Variants in MBTPS1 observed in about 807,000 individuals in gnomAD.
MBTPS1 encodes the protein membrane-bound transcription factor site-1 protease.
In MBTPS1, 94 loss-of-function variants were observed where a neutral mutation model predicts 127.8. The ratio of observed to expected loss-of-function variants is 0.74; its 90% confidence interval spans 0.62 to 0.87. MBTPS1 has a LOEUF of 0.87. Among genes scored for constraint, MBTPS1 ranks in the 40% least tolerant of loss-of-function variants. MBTPS1 has a pLI of 0.00. For synonymous variants in MBTPS1, 632 were observed against 509.4 expected (o/e 1.24, Z -3.24); for missense variants, 1,636 against 1,353.2 (o/e 1.21, Z -3.28).
rs892327340 is a variant in MBTPS1 at position 84,053,990 on chromosome 16, T to C, written c.*459A>G. On this transcript the variant is annotated 3_prime_UTR_variant, in exon 23 of 23. Transcript: ENST00000343411. Reference sequence around the variant, plus strand: ...CCTCATGATGGAATAGTAAAAAAACTGCATTCCACTGACAAAAAAAATAGC... The same window carrying C: ...CCTCATGATGGAATAGTAAAAAAACCGCATTCCACTGACAAAAAAAATAGC... 6.5e-6 allele frequency: 1 copy of C among 154,828 alleles called. No homozygotes were observed. The highest frequency in any genetic ancestry group is 1.9e-4 in the East Asian group (1 of 5,214). 9.6% of individuals were successfully genotyped at this position (154,828 alleles called of 1,614,324 possible). A position where few individuals can be genotyped will look rare whatever the true frequency, so the allele number is the denominator to read the frequency against.
In MBTPS1 at chr16:84,090,952, G is replaced by T; in HGVS notation, c.964-10C>A. The T allele has an allele frequency of 6.3e-7, 1 of 1,586,922 alleles. No homozygotes were observed. Among genetic ancestry groups the T allele is most frequent in the Non-Finnish European group, 8.6e-7 (1 of 1,159,638 alleles). ...CTGTTAATTCCCACACCTACAAAAG[G>T]AGCATTTATTTAATGAAAGTATCCC... On this transcript the variant is annotated splice_polypyrimidine_tract_variant and intron_variant, in intron 7 of 22. Coordinates refer to ENST00000343411, the MANE Select transcript of MBTPS1 (RefSeq NM_003791.4).
chr16:84,069,719 C>T (rs2085742262), intron 14 of MBTPS1, 147 bp downstream of exon 14: 1 of 729,050 alleles, frequency 1.4e-6, no homozygotes, highest in Non-Finnish European at 2.3e-6. Context: ...GCCCTAAGTG[C>T]ATGGCAAAAG....
intron 1 of MBTPS1, among the ~76,000 whole-genome samples, chr16:84,105,720 C>T (rs972943912): frequency 2.0e-5 from 3 of 151,994 alleles, no homozygotes; most frequent in African/African-American, 4.8e-5. Flanking sequence ...AGCCAACAGC[C>T]GGAAATACGG....
In MBTPS1 at chr16:84,101,643, G is replaced by A; in HGVS notation, c.141C>T (p.Phe47=). ...TACCATATTCCACAACTGTTGATGA[G>A]AATTCCACCTTCAAAGTCAGGTGGG... ...GCSHLTLKVE[F]SSTVVEYEYI... is the part of the protein sequence containing the mutation. Residue 47 remains phenylalanine, a synonymous_variant, in exon 2 of 23, where the codon TTC becomes TTT. Coordinates refer to ENST00000343411, the MANE Select transcript of MBTPS1 (RefSeq NM_003791.4). 3 of 1,613,952 alleles carry A rather than the reference G, an allele frequency of 1.9e-6. No homozygotes were observed. The highest frequency in any genetic ancestry group is 2.5e-6 in the Non-Finnish European group (3 of 1,179,904).
intron 20 of MBTPS1, chr16:84,060,480 A>G: frequency 1.8e-6 from 1 of 558,500 alleles, no homozygotes; most frequent in Non-Finnish European, 3.1e-6. Context: ...TGGGTCCTCG[A>G]TCATGGCCCT....
At chr16:84,060,645 C>G in intron 20 of MBTPS1, 37 bp downstream of exon 20, 1 of 1,602,710 alleles carries the variant, frequency 6.2e-7, no homozygotes, top group Non-Finnish European at 8.5e-7. Flanking sequence ...CAGCTGGATC[C>G]AATTCCCTCC....
At chr16:84,084,686 C>G (rs1285023453) in intron 10 of MBTPS1, among the ~76,000 whole-genome samples, 1 of 152,212 alleles carries the variant, frequency 6.6e-6, no homozygotes, top group Non-Finnish European at 1.5e-5. Flanking sequence ...ACAGTTCTAG[C>G]ACATAAATGG....
intron 7 of MBTPS1, 116 bp from the exon 8 acceptor site, chr16:84,091,058 G>T (rs1295342720): frequency 1.2e-6 from 1 of 810,074 alleles, no homozygotes; most frequent in South Asian, 1.6e-5. Context: ...AGCAGCACTG[G>T]CCCATTATAA....
chr16:84,094,135 G>C (rs1165975810), intron 4 of MBTPS1, among the ~76,000 whole-genome samples: 1 of 151,876 alleles, frequency 6.6e-6, no homozygotes. Flanking sequence ...ACTCCTAGCG[G>C]GCTTCTCAAG....
rs76515762 is a variant in MBTPS1, at chr16:84,092,505, C to A, written c.847-657G>T. The stretch of plus-strand genomic sequence containing the variant: ...TCTCATATACACCAAAGAAATTCTA[C>A]GAGGAGGTATAAGAAAGGAACATCA... On this transcript the variant is annotated intron_variant, in intron 6 of 22. Coordinates refer to ENST00000343411, the MANE Select transcript of MBTPS1 (RefSeq NM_003791.4). 8.5e-3 allele frequency among the ~76,000 whole-genome samples: 1,294 copies of A among 152,154 alleles called. 23 individuals are homozygous for A. Among genetic ancestry groups the A allele is most frequent in the African/African-American group, 0.029 (1,221 of 41,512 alleles).
intron 9 of MBTPS1, chr16:84,085,839 T>C (rs1380194373): frequency 6.6e-6 from 1 of 151,092 alleles, no homozygotes; most frequent in African/African-American, 2.4e-5. Flanking sequence ...GTTAGAAAAA[T>C]TAGAAAATTA....
intron 2 of MBTPS1, among the ~76,000 whole-genome samples, chr16:84,100,572 A>T (rs1597347390): frequency 6.6e-6 from 1 of 151,816 alleles, no homozygotes; most frequent in Non-Finnish European, 1.5e-5. Context: ...AAACAAAAAT[A>T]AAAAAATTAG....
Position 84,099,110 on chromosome 16 carries a change from T to C in MBTPS1, c.364A>G (p.Asn122Asp), listed in dbSNP as rs200595364. 28 of 1,614,206 alleles carry C rather than the reference T, an allele frequency of 1.7e-5. No homozygotes were observed. In the Admixed American group the frequency reaches 1.8e-4, roughly 11 times the overall value. ...CGTTGGGGCGTGACCCGTTTGATGT[T>C]TGGATGATCTTCAAGTGTTAGCAGC... ...AGLLTLEDHP[N>D]IKRVTPQRKV... Residue 122 changes from asparagine (N) to aspartate (D), a missense_variant, in exon 3 of 23, where the codon AAC (asparagine) becomes GAC (aspartate). Transcript: ENST00000343411.
chr16:84,109,155 AG>A (rs1433613860), intron 1 of MBTPS1, among the ~76,000 whole-genome samples: 1 of 152,216 alleles, frequency 6.6e-6, no homozygotes, highest in Non-Finnish European at 1.5e-5. Flanking sequence ...AACTAGTTCC[AG>A]TCTGGGTACG....
rs2151169309 is a variant in MBTPS1, at chr16:84,101,976, C to T, written c.-193G>A. 1.8e-6 allele frequency: 1 copy of T among 550,306 alleles called. No individual in the cohort carries two copies. Among genetic ancestry groups the T allele is most frequent in the Non-Finnish European group, 3.2e-6 (1 of 308,528 alleles). The allele number at this position is 550,306 out of a possible 1,614,324, so 34.1% of individuals were successfully genotyped here. ...TCAGCCTGAAGAGAGGCTTTCATTT[C>T]TTTCTCCGCTTCTTCTCCATCTTGG... On this transcript the variant is annotated 5_prime_UTR_variant, in exon 2 of 23. Coordinates refer to ENST00000343411, the MANE Select transcript of MBTPS1 (RefSeq NM_003791.4).
At chr16:84,085,593 G>GA (rs1179074748) in intron 9 of MBTPS1, among the ~76,000 whole-genome samples, 12 of 106,336 alleles carry the variant, frequency 1.1e-4, no homozygotes, top group Admixed American at 1.3e-4. Context: ...AAAAAAAAGA[G>GA]AAAAAAACAA....
intron 19 of MBTPS1, 70 bp downstream of exon 19, chr16:84,063,235 C>T: frequency 1.3e-6 from 2 of 1,545,708 alleles, no homozygotes; most frequent in Non-Finnish European, 8.9e-7. Flanking sequence ...CTCACGGGCG[C>T]CTTTCCAGAG....
In MBTPS1 at chr16:84,067,896, T is replaced by C. The variant is rs866000378; in HGVS notation, c.2072-73A>G. 22 of 1,443,138 alleles carry C rather than the reference T, an allele frequency of 1.5e-5. No homozygotes were observed. In the Middle Eastern group the frequency reaches 2.8e-3, roughly 186 times the overall value. 89.4% of individuals were successfully genotyped at this position (1,443,138 alleles called of 1,614,324 possible). ...GGACACCACCACGGCAGAAACAGTG[T>C]CACCAGGTACATGTCTCAGGTTACT... is the stretch of plus-strand genomic sequence containing the variant. On this transcript the variant is annotated intron_variant, in intron 15 of 22. Transcript: ENST00000343411.
At chr16:84,108,313 G>A (rs2086352932) in intron 1 of MBTPS1, among the ~76,000 whole-genome samples, 1 of 152,142 alleles carries the variant, frequency 6.6e-6, no homozygotes, top group Non-Finnish European at 1.5e-5. Context: ...TGCCCAGGCT[G>A]GAGTGCAATG....
Sources: gnomAD v4.1 joint callset for allele counts (sites outside exome capture counted in the v4.1 genomes callset) on GRCh38, gnomAD v4.1.1 for gene constraint, MANE v1.5 for transcripts, NCBI Gene and HGNC (gene_info 2026-07-23, HGNC 2026-07-21) for gene names.